PROM2: variants seen among roughly 807,000 people sequenced by gnomAD.
PROM2 encodes prominin-2.
In PROM2, 90 loss-of-function variants were observed where a neutral mutation model predicts 110.2. The ratio of observed to expected loss-of-function variants is 0.82; its 90% CI spans 0.69 to 0.97. The LOEUF (loss-of-function observed/expected upper bound fraction) is 0.97. PROM2 is among the 50% of genes least tolerant of loss of function. PROM2 has a pLI of 0.00. For missense variants in PROM2, 1,009 were observed against 1,074.8 expected (o/e 0.94, Z 0.86); for synonymous variants, 470 against 467.8 (o/e 1.00, Z -0.06).
intron 8 of PROM2, 173 bp from the exon 9 acceptor site, chr2:95,278,548 G>T: frequency 1.4e-6 from 1 of 717,078 alleles, no homozygotes; most frequent in Non-Finnish European, 2.5e-6. Context: ...AACGTTTTGG[G>T]AAGTTGAGTC....
In PROM2 at chr2:95,274,528, G is replaced by A. The variant is rs1221210171; in HGVS notation, c.-58G>A. 2 of 1,498,208 alleles carry A rather than the reference G, an allele frequency of 1.3e-6. No individual in the cohort carries two copies. The highest frequency in any genetic ancestry group is 1.8e-6 in the Non-Finnish European group (2 of 1,121,856). 92.8% of individuals were successfully genotyped at this position (1,498,208 alleles called of 1,614,324 possible). On this transcript the variant is annotated 5_prime_UTR_variant, in exon 1 of 24. Coordinates refer to ENST00000317620, the MANE Select transcript of PROM2 (RefSeq NM_001165978.3). The stretch of plus-strand genomic sequence containing the variant: ...GACAGAGGCTGGAGAAGGATGTATG[G>A]CCTGCCCTGGGCTTGTCTGTTCCCT...
intron 11 of PROM2, 135 bp from the exon 12 acceptor site, chr2:95,281,107 G>A: frequency 4.9e-6 from 6 of 1,227,788 alleles, no homozygotes; most frequent in Non-Finnish European, 6.7e-6. Context: ...AGTCCTCCAA[G>A]CTCCTTTCCT....
Position 95,281,928 on chromosome 2 carries a change from G to A in PROM2, c.1555G>A (p.Ala519Thr), listed in dbSNP as rs1677072372. Residue 519 changes from alanine to threonine, a missense_variant, in exon 13 of 24, where the codon GCA becomes ACA. Transcript: ENST00000317620. ...SWENGELFEF[A>T]DTPGNLPPSM... Reference sequence around the variant, plus strand: ...TTTCTCACTGCCCCATCCCCAGTTTGCAGACACCCCAGGGAACCTGCCCCC... The same window carrying A: ...TTTCTCACTGCCCCATCCCCAGTTTACAGACACCCCAGGGAACCTGCCCCC... 6.2e-7 allele frequency: 1 copy of A among 1,613,684 alleles called. No homozygotes were observed. Among genetic ancestry groups the A allele is most frequent in the African/African-American group, 1.3e-5 (1 of 74,884 alleles).
chr2:95,281,787 G>T, intron 12 of PROM2, 138 bp from the exon 13 acceptor site: 1 of 678,046 alleles, frequency 1.5e-6, no homozygotes, highest in Admixed American at 2.5e-5. Context: ...TTAGAGGCCA[G>T]GTGTGAGCTG....
At chr2:95,283,198 A>C (rs1187078456) in intron 14 of PROM2, among the ~76,000 whole-genome samples, 1 of 152,218 alleles carries the variant, frequency 6.6e-6, no homozygotes, top group African/African-American at 2.4e-5. Context: ...GGGAGGGATG[A>C]ACCAGGGGCC....
At chr2:95,278,473 C>T (rs1676812408) in intron 8 of PROM2, 5 of 588,968 alleles carry the variant, frequency 8.5e-6, no homozygotes, top group East Asian at 5.7e-5. Context: ...GTGTGGAGGG[C>T]GGCTGAGAGT....
Position 95,276,624 on chromosome 2 carries a change from C to T in PROM2, c.649C>T (p.Leu217=), listed in dbSNP as rs374762669. The T allele has an allele frequency of 6.2e-7, 1 of 1,613,546 alleles. No homozygotes were observed. The highest frequency in any genetic ancestry group is 1.1e-5 in the South Asian group (1 of 91,046). ...GCAGGCCGTGGCACAGCAATTCTCC[C>T]TGCCCCAGGAGCAAGTCTCAGAGGA... ...ELQAVAQQFS[L]PQEQVSEELD... Residue 217 remains leucine, a synonymous_variant, in exon 5 of 24, where the codon CTG becomes TTG. Coordinates refer to ENST00000317620, the MANE Select transcript of PROM2 (RefSeq NM_001165978.3). This position sits in a 1 kb window ranked among gnomAD's most constrained non-coding sequence, Gnocchi z 4.6.
intron 10 of PROM2, among the ~76,000 whole-genome samples, 155 bp from the exon 11 acceptor site, chr2:95,279,690 C>T (rs575418608): frequency 8.5e-5 from 13 of 152,304 alleles, no homozygotes; most frequent in African/African-American, 2.9e-4. Flanking sequence ...GGAGACCACA[C>T]AAGAGCAGTA....
chr2:95,277,241 A>G, intron 6 of PROM2, 123 bp from the exon 7 acceptor site: 1 of 1,227,014 alleles, frequency 8.1e-7, no homozygotes, highest in Non-Finnish European at 1.1e-6. Flanking sequence ...GGCAGTTTCC[A>G]CTGTAGGCAG....
At position 95,283,020 on chromosome 2, in the gene PROM2, A is replaced by G. The variant is rs150606808; in HGVS notation, c.1728+794A>G. The stretch of plus-strand genomic sequence containing the variant: ...TCCACCAACCAGCCTCGGCCCACGG[A>G]CAGCACAGCCGGATGGCCCAGCCCC... On this transcript the variant is annotated intron_variant, in intron 14 of 23. Coordinates refer to ENST00000317620, the MANE Select transcript of PROM2 (RefSeq NM_001165978.3). Among the ~76,000 whole-genome samples, 292 of 152,252 alleles carry G rather than the reference A, an allele frequency of 1.9e-3. 1 individual carries two copies. The highest frequency in any genetic ancestry group is 6.8e-3 in the Middle Eastern group (2 of 294).
rs1311772098 is a variant in PROM2, at chr2:95,281,916, C to T, written c.1552-9C>T. On this transcript the variant is annotated splice_polypyrimidine_tract_variant and intron_variant, in intron 12 of 23. Coordinates refer to ENST00000317620, the MANE Select transcript of PROM2 (RefSeq NM_001165978.3). ...GCTCTGTGCCCATTTCTCACTGCCC[C>T]ATCCCCAGTTTGCAGACACCCCAGG... 16 of 1,611,308 alleles carry T rather than the reference C, an allele frequency of 9.9e-6. No homozygotes were observed. Among genetic ancestry groups the T allele is most frequent in the Non-Finnish European group, 1.3e-5 (15 of 1,177,568 alleles).
At chr2:95,280,162 C>T (rs908063889) in intron 11 of PROM2, among the ~76,000 whole-genome samples, 165 bp downstream of exon 11, 2 of 152,172 alleles carry the variant, frequency 1.3e-5, no homozygotes, top group African/African-American at 4.8e-5. Flanking sequence ...TTCCTTCCTA[C>T]AGCAGGGGCA....
At chr2:95,283,462 G>A (rs1482235903) in intron 14 of PROM2, among the ~76,000 whole-genome samples, 1 of 152,266 alleles carries the variant, frequency 6.6e-6, no homozygotes, top group East Asian at 1.9e-4. Flanking sequence ...GCTTTCCAGA[G>A]CACGGGGAGG....
chr2:95,279,260 C>A, intron 10 of PROM2, 116 bp downstream of exon 10: 2 of 788,374 alleles, frequency 2.5e-6, no homozygotes, highest in Non-Finnish European at 3.8e-6. Context: ...CTGTACTGAG[C>A]CTCTGTGTTT....
Position 95,288,594 on chromosome 2 carries a change from G to C in PROM2, c.2441+5G>C. ...TCCTATCCGGAAACGCCTCAGGTGA[G>C]GGGCTGCCAGGGCTGCAGGCAGCAT... On this transcript the variant is annotated splice_donor_5th_base_variant and intron_variant, in intron 22 of 23. Coordinates refer to ENST00000317620, the MANE Select transcript of PROM2 (RefSeq NM_001165978.3). 6.2e-7 allele frequency: 1 copy of C among 1,611,450 alleles called. No individual in the cohort carries two copies. Among genetic ancestry groups the C allele is most frequent in the South Asian group, 1.1e-5 (1 of 90,886 alleles).
chr2:95,278,788 A>C lies in PROM2; in HGVS notation c.1114+4A>C. On this transcript the variant is annotated splice_donor_region_variant and intron_variant, in intron 9 of 23. Coordinates refer to ENST00000317620, the MANE Select transcript of PROM2 (RefSeq NM_001165978.3). ...CAGACATCCAGCGTGGTGCAAGGTT[A>C]GGCCACACGGGTCAGAGGCAGCTGC... The C allele has an allele frequency of 6.2e-7, 1 of 1,614,028 alleles. No individual in the cohort carries two copies.
chr2:95,281,810 G>T, intron 12 of PROM2, 115 bp from the exon 13 acceptor site: 1 of 758,162 alleles, frequency 1.3e-6, no homozygotes, highest in East Asian at 2.5e-5. Flanking sequence ...GTGAGGGGAT[G>T]TTTCCTACCC....
At position 95,275,560 on chromosome 2, in the gene PROM2, G is replaced by T. The variant is rs754079918; in HGVS notation, c.294+50G>T. 1 of 1,600,996 alleles carries T rather than the reference G, an allele frequency of 6.2e-7. No individual in the cohort carries two copies. Among genetic ancestry groups the T allele is most frequent in the Non-Finnish European group, 8.5e-7 (1 of 1,171,588 alleles). On this transcript the variant is annotated intron_variant, in intron 2 of 23. Transcript: ENST00000317620. This position sits in a 1 kb window ranked among gnomAD's most constrained non-coding sequence, Gnocchi z 4.4. ...GGGGGAGGGAGTTCTGGGGTGAGCA[G>T]CAGGGTGGGAGCAGAAAAGCCTTGG...
intron 7 of PROM2, 130 bp downstream of exon 7, chr2:95,277,696 G>A (rs924604789): frequency 5.1e-6 from 5 of 972,928 alleles, no homozygotes; most frequent in Admixed American, 5.7e-5. Context: ...GGGTTAATGC[G>A]GGTCATCCTG....
Sources: gnomAD v4.1 joint callset for allele counts (sites outside exome capture counted in the v4.1 genomes callset) on GRCh38, gnomAD v4.1.1 for gene constraint, Gnocchi (gnomAD v3.1) non-coding constraint, MANE v1.5 for transcripts, NCBI Gene and HGNC (gene_info 2026-07-23, HGNC 2026-07-21) for gene names.